Variants in PHACTR2 observed in about 807,000 individuals in gnomAD.
PHACTR2 encodes phosphatase and actin regulator 2.
A neutral mutation model predicts 76.0 loss-of-function variants in PHACTR2; 30 were observed. The ratio of observed to expected loss-of-function variants is 0.39; its 90% CI spans 0.30 to 0.54. The LOEUF (loss-of-function observed/expected upper bound fraction) is 0.54, where lower values mean the gene tolerates loss of function less well. Among genes scored for constraint, PHACTR2 ranks in the 20% least tolerant of loss-of-function variants. PHACTR2 has a pLI of 0.61. For missense variants in PHACTR2, 696 were observed against 781.1 expected, an observed-to-expected ratio of 0.89 and a Z score of 1.30; for synonymous variants, 292 against 292.5, an observed-to-expected ratio of 1.00 and a Z score of 0.02.
chr6:143,788,172 A>G (rs1775596191), intron 10 of PHACTR2, among the ~76,000 whole-genome samples: 1 of 152,202 alleles, frequency 6.6e-6, no homozygotes, highest in Non-Finnish European at 1.5e-5. Context: ...ACAGTTCTCC[A>G]TCAACTCTCC....
chr6:143,686,056 C>T (rs908186622), intron 1 of PHACTR2, among the ~76,000 whole-genome samples: 5 of 150,292 alleles, frequency 3.3e-5, no homozygotes, highest in Non-Finnish European at 7.4e-5. Flanking sequence ...TGCTTGAACT[C>T]GGGAGGCGAA....
At position 143,753,894 on chromosome 6, in the gene PHACTR2, C is replaced by T. The variant is rs1779243142; in HGVS notation, c.436C>T (p.Gln146Ter). 3 of 1,602,748 alleles carry T rather than the reference C, an allele frequency of 1.9e-6. No homozygotes were observed. The highest frequency in any genetic ancestry group is 2.5e-6 in the Non-Finnish European group (3 of 1,176,842). ...VSEKTPPLEE[Q>*]AEDKKENTEN... is the part of the protein sequence containing the mutation. ...TGAAAAAACACCACCTCTGGAGGAACAGGCAGAAGATAAGAAAGGTAAAAT... is the reference window on the plus strand; with the variant it reads ...TGAAAAAACACCACCTCTGGAGGAATAGGCAGAAGATAAGAAAGGTAAAAT... Residue 146 changes from glutamine (Q) to a stop codon, truncating the protein, a stop_gained, in exon 4 of 13, where the codon CAG becomes TAG. Transcript: ENST00000440869. LOFTEE classifies it high-confidence loss of function. This position sits in a 1 kb window ranked among gnomAD's most constrained non-coding sequence, Gnocchi z 4.6.
intron 1 of PHACTR2, among the ~76,000 whole-genome samples, chr6:143,565,267 A>G (rs971066589): frequency 6.6e-6 from 1 of 152,206 alleles, no homozygotes; most frequent in African/African-American, 2.4e-5. Flanking sequence ...AATACATAAT[A>G]TGTTAGAAAG....
In PHACTR2 at chr6:143,784,328, A is replaced by C. The variant is rs966715875; in HGVS notation, c.1707+1048A>C. On this transcript the variant is annotated intron_variant, in intron 10 of 12. Coordinates refer to ENST00000440869, the MANE Select transcript of PHACTR2 (RefSeq NM_001100164.2). This position sits in a 1 kb window ranked among gnomAD's most constrained non-coding sequence, Gnocchi z 4.5. The stretch of plus-strand genomic sequence containing the variant: ...AATATATAAATCTGATGTTAGGGCC[A>C]TCACTTTTTTCTGTGTTAAAGTAAT... Among the ~76,000 whole-genome samples, 7 of 152,244 alleles carry C rather than the reference A, an allele frequency of 4.6e-5. No homozygotes were observed. Among genetic ancestry groups the C allele is most frequent in the African/African-American group, 1.4e-4 (6 of 41,462 alleles).
At position 143,712,033 on chromosome 6, in the gene PHACTR2, G is replaced by C. The variant is rs1490836928; in HGVS notation, c.64G>C (p.Ala22Pro). 1.2e-5 allele frequency: 19 copies of C among 1,589,138 alleles called. No homozygotes were observed. Among genetic ancestry groups the C allele is most frequent in the Non-Finnish European group, 1.5e-5 (18 of 1,170,334 alleles). The change falls in exon 2 of 13, where the codon GCT becomes CCT. Residue 22 changes from alanine to proline, a missense_variant. Ala to Pro is a conservative substitution (Grantham distance 27). Transcript: ENST00000440869. Reference sequence around the variant, plus strand: ...TTATACAGTTGACGGACTGGACAAAGCTTCTATAGCAAACTCAGATGGCCC... The same window carrying C: ...TTATACAGTTGACGGACTGGACAAACCTTCTATAGCAAACTCAGATGGCCC... Reference protein sequence around the residue: ...QPGSVDGLDKASIANSDGPTA... With the variant: ...QPGSVDGLDKPSIANSDGPTA...
upstream of PHACTR2, among the ~76,000 whole-genome samples, chr6:143,603,266 G>A (rs1449784904): frequency 6.6e-6 from 1 of 152,026 alleles, no homozygotes; most frequent in Non-Finnish European, 1.5e-5. Context: ...GTTCAAGCAC[G>A]GTAAGGCAGG....
rs1776120550 is a variant in PHACTR2, at chr6:143,619,825, C to T, written c.13+11503C>T. ...GGGGATAAAAGGAAATATAGCCAGT[C>T]CCAAACTTTGACAGCGGTCAGTATG... On this transcript the variant is annotated intron_variant, in intron 1 of 11. Transcript: ENST00000305766. This position sits in a 1 kb window ranked among gnomAD's most constrained non-coding sequence, Gnocchi z 4.5. Among the ~76,000 whole-genome samples the T allele has an allele frequency of 6.6e-6, 1 of 152,122 alleles. No homozygotes were observed. The highest frequency in any genetic ancestry group is 1.5e-5 in the Non-Finnish European group (1 of 68,034).
intron 2 of PHACTR2, among the ~76,000 whole-genome samples, chr6:143,732,677 G>A (rs1778726073): frequency 6.6e-6 from 1 of 152,000 alleles, no homozygotes; most frequent in South Asian, 2.1e-4. Flanking sequence ...TTAGTCATGT[G>A]GTAATTCAAT....
Position 143,760,953 on chromosome 6 carries a change from A to G in PHACTR2, c.694+313A>G, listed in dbSNP as rs1386782374. 6.6e-6 allele frequency among the ~76,000 whole-genome samples: 1 copy of G among 152,154 alleles called. No individual in the cohort carries two copies. The highest frequency in any genetic ancestry group is 1.5e-5 in the Non-Finnish European group (1 of 68,034). ...ATGAATGACAATGATCTGATATAAC[A>G]TTATTTAGACATTGACTGACCTTCT... On this transcript the variant is annotated intron_variant, in intron 5 of 12. Transcript: ENST00000440869. This position sits in a 1 kb window ranked among gnomAD's most constrained non-coding sequence, Gnocchi z 6.4.
At chr6:143,748,069 A>T (rs75801775) in intron 2 of PHACTR2, among the ~76,000 whole-genome samples, 22,165 of 148,948 alleles carry the variant, frequency 0.15, 1,690 homozygotes, top group Middle Eastern at 0.21. Flanking sequence ...GATTATTATT[A>T]TTTTTTTTTT....
chr6:143,577,212 T>C (rs1775525927), intron 1 of PHACTR2, among the ~76,000 whole-genome samples: 1 of 152,216 alleles, frequency 6.6e-6, no homozygotes, highest in African/African-American at 2.4e-5. Context: ...TTTAAAATTG[T>C]ATTTTAGCAT....
At position 143,695,626 on chromosome 6, in the gene PHACTR2, CA is replaced by C. The variant is rs1315782631; in HGVS notation, c.47-16389del. 6.6e-6 allele frequency among the ~76,000 whole-genome samples: 1 copy of C among 152,128 alleles called. No homozygotes were observed. The highest frequency in any genetic ancestry group is 2.4e-5 in the African/African-American group (1 of 41,412). On this transcript the variant is annotated intron_variant, in intron 1 of 12. Transcript: ENST00000440869. The surrounding 1 kb of genome is among the most constrained non-coding windows in gnomAD (Gnocchi z 4.4). ...CTGCTAGATCTTTAAAAGGGAAGGG[CA>C]GAATAAACAGAGGGCCCTTTGATAA...
chr6:143,663,118 A>G lies in PHACTR2; in HGVS notation c.14-48898A>G, dbSNP rs1776971135. Reference sequence around the variant, plus strand: ...TTCTCTAGCCAGGCCCCCACTAATGAGCACCTAGGTTGATTCCATGTCTCT... The same window carrying G: ...TTCTCTAGCCAGGCCCCCACTAATGGGCACCTAGGTTGATTCCATGTCTCT... On this transcript the variant is annotated intron_variant, in intron 1 of 11. Transcript: ENST00000305766. The surrounding 1 kb of genome is among the most constrained non-coding windows in gnomAD (Gnocchi z 4.1). Among the ~76,000 whole-genome samples, 1 of 152,062 alleles carries G rather than the reference A, an allele frequency of 6.6e-6. No homozygotes were observed. Among genetic ancestry groups the G allele is most frequent in the African/African-American group, 2.4e-5 (1 of 41,386 alleles).
rs769518769 is a variant in PHACTR2, at chr6:143,654,788, A to T, written c.13+46466A>T. Among the ~76,000 whole-genome samples, 9 of 152,204 alleles carry T rather than the reference A, an allele frequency of 5.9e-5. No homozygotes were observed. Among genetic ancestry groups the T allele is most frequent in the Admixed American group, 2.0e-4 (3 of 15,280 alleles). On this transcript the variant is annotated intron_variant, in intron 1 of 11. Coordinates refer to the PHACTR2 transcript ENST00000305766. The surrounding 1 kb of genome is among the most constrained non-coding windows in gnomAD (Gnocchi z 4.6). ...CACCACACTCCCGCCTAGGTTGCAG[A>T]GCAAGACCTTGTCTCTACAAATAAA...
chr6:143,620,078 C>T (rs1280361764), intron 1 of PHACTR2, among the ~76,000 whole-genome samples: 3 of 152,016 alleles, frequency 2.0e-5, no homozygotes, highest in Non-Finnish European at 4.4e-5. Context: ...ATGACTGTGA[C>T]GATAGTTGAA....
Position 143,738,453 on chromosome 6 carries a change from G to T in PHACTR2, c.215-10532G>T, listed in dbSNP as rs1470801188. The stretch of plus-strand genomic sequence containing the variant: ...CAGCCACCTTTACCCCAGGGCAATA[G>T]AATTAGATCTTTAAATGAGTTGGGA... On this transcript the variant is annotated intron_variant, in intron 2 of 12. Coordinates refer to ENST00000440869, the MANE Select transcript of PHACTR2 (RefSeq NM_001100164.2). This position sits in a 1 kb window ranked among gnomAD's most constrained non-coding sequence, Gnocchi z 4.0. 2.0e-5 allele frequency among the ~76,000 whole-genome samples: 3 copies of T among 151,964 alleles called. No homozygotes were observed. Among genetic ancestry groups the T allele is most frequent in the Non-Finnish European group, 4.4e-5 (3 of 67,982 alleles).
chr6:143,600,903 T>G (rs1382869352), intron 1 of PHACTR2, among the ~76,000 whole-genome samples: 1 of 152,256 alleles, frequency 6.6e-6, no homozygotes, highest in Non-Finnish European at 1.5e-5. Context: ...GCCTATACAT[T>G]GAGCCTGGCC....
rs1223536623 is a variant in PHACTR2 at position 143,558,762 on chromosome 6, G to A, written c.217+21555G>A. Among the ~76,000 whole-genome samples, 1 of 152,154 alleles carries A rather than the reference G, an allele frequency of 6.6e-6. No individual in the cohort carries two copies. Among genetic ancestry groups the A allele is most frequent in the African/African-American group, 2.4e-5 (1 of 41,436 alleles). The stretch of plus-strand genomic sequence containing the variant: ...GCTCATGCTCTTTGTTTCCCAACTG[G>A]CCTTTGAGTACAGGTACGTTAGGAT... On this transcript the variant is annotated intron_variant, in intron 1 of 11. Transcript: ENST00000367584. The surrounding 1 kb of genome is among the most constrained non-coding windows in gnomAD (Gnocchi z 4.7).
At chr6:143,694,539 T>C (rs968532862) in intron 1 of PHACTR2, among the ~76,000 whole-genome samples, 2 of 152,236 alleles carry the variant, frequency 1.3e-5, no homozygotes, top group Admixed American at 6.5e-5. Context: ...TCACTACATA[T>C]ATAGTCTTCC....
Sources: allele counts gnomAD v4.1 joint callset (sites outside exome capture counted in the v4.1 genomes callset), GRCh38; gene constraint gnomAD v4.1.1; non-coding constraint Gnocchi (gnomAD v3.1); transcripts MANE v1.5; gene names NCBI Gene and HGNC (gene_info 2026-07-23, HGNC 2026-07-21).